Variants in ZNF503 observed in about 807,000 individuals in gnomAD.
ZNF503 encodes the protein zinc finger protein 503.
Under a neutral mutation model 34.4 loss-of-function variants are expected in ZNF503, and 15 were observed. The ratio of observed to expected loss-of-function variants is 0.44; its 90% CI spans 0.29 to 0.67. ZNF503 has a LOEUF of 0.67. Ranked by LOEUF, ZNF503 falls within the 30% of genes least tolerant of loss-of-function variation. The probability of loss-of-function intolerance (pLI) is 0.13; values close to 1 mark genes in which losing one functional copy is unlikely to be tolerated. For missense variants in ZNF503, 1,007 were observed against 926.8 expected, an observed-to-expected ratio of 1.09 and a Z score of -1.12; for synonymous variants, 580 against 456.8, an observed-to-expected ratio of 1.27 and a Z score of -3.44.
At chr10:75,350,838 G>A in the ZNF503 span, among the ~76,000 whole-genome samples, 1 of 152,106 alleles carries the variant, frequency 6.6e-6, no homozygotes, top group Admixed American at 6.5e-5. Flanking sequence ...ACAGGCATGA[G>A]CCACCGCGTC....
chr10:75,315,242 C>A, the ZNF503 span, among the ~76,000 whole-genome samples: 1 of 152,094 alleles, frequency 6.6e-6, no homozygotes, highest in Non-Finnish European at 1.5e-5. Flanking sequence ...CACCTGTAAT[C>A]CCAGCTACTC....
the ZNF503 span, among the ~76,000 whole-genome samples, chr10:75,365,850 G>A: frequency 6.6e-6 from 1 of 152,178 alleles, no homozygotes; most frequent in Admixed American, 6.5e-5. Context: ...AAAGGGCCAA[G>A]TTGTATTAGT....
At chr10:75,337,178 G>A in the ZNF503 span, among the ~76,000 whole-genome samples, 2 of 151,920 alleles carry the variant, frequency 1.3e-5, no homozygotes, top group Non-Finnish European at 2.9e-5. Context: ...ACAACAATTA[G>A]TCGGGCGTGG....
chr10:75,384,709 C>A, the ZNF503 span, among the ~76,000 whole-genome samples: 1 of 152,198 alleles, frequency 6.6e-6, no homozygotes, highest in African/African-American at 2.4e-5. Context: ...AAGCCCCCAC[C>A]TGGTTGGGGT....
At chr10:75,323,669 T>C in the ZNF503 span, among the ~76,000 whole-genome samples, 1 of 152,140 alleles carries the variant, frequency 6.6e-6, no homozygotes, top group African/African-American at 2.4e-5. Flanking sequence ...ATATATTTTC[T>C]TTGGTGAAGT....
chr10:75,296,894 C>T, the ZNF503 span, among the ~76,000 whole-genome samples: 1 of 152,098 alleles, frequency 6.6e-6, no homozygotes, highest in Non-Finnish European at 1.5e-5. Flanking sequence ...AAGTGAGCTT[C>T]CTAAAAAGCC....
the ZNF503 span, among the ~76,000 whole-genome samples, chr10:75,371,428 C>T: frequency 6.6e-6 from 1 of 152,074 alleles, no homozygotes; most frequent in African/African-American, 2.4e-5. Context: ...GACTGGATCC[C>T]TCTCTACCTC....
chr10:75,281,020 T>G, the ZNF503 span, among the ~76,000 whole-genome samples: 2 of 151,990 alleles, frequency 1.3e-5, no homozygotes, highest in African/African-American at 4.8e-5. Flanking sequence ...GAGAGGAGGC[T>G]GGGGACACAC....
chr10:75,301,633 T>C, the ZNF503 span, among the ~76,000 whole-genome samples: 2 of 152,212 alleles, frequency 1.3e-5, no homozygotes, highest in Non-Finnish European at 2.9e-5. Flanking sequence ...AGTTAAAAAA[T>C]AACAATTTAA....
At chr10:75,381,024 T>C in the ZNF503 span, among the ~76,000 whole-genome samples, 1 of 152,188 alleles carries the variant, frequency 6.6e-6, no homozygotes, top group South Asian at 2.1e-4. Context: ...TGGAAAGAAA[T>C]CCAGGCCCTC....
the ZNF503 span, among the ~76,000 whole-genome samples, chr10:75,295,998 CAATACGTACAGG>C: frequency 6.6e-6 from 1 of 152,138 alleles, no homozygotes; most frequent in Non-Finnish European, 1.5e-5. The surrounding 1 kb of genome is among the most constrained non-coding windows in gnomAD (Gnocchi z 4.0). Context: ...TCACCCCGAG[CAATACGTACAGG>C]AACTCAATAG....
chr10:75,312,866 A>C, the ZNF503 span, among the ~76,000 whole-genome samples: 9 of 152,322 alleles, frequency 5.9e-5, no homozygotes, highest in East Asian at 9.6e-4. Flanking sequence ...CCCATGTGTC[A>C]AGGGTATGGC....
At chr10:75,324,323 T>A in the ZNF503 span, among the ~76,000 whole-genome samples, 1 of 108,236 alleles carries the variant, frequency 9.2e-6, no homozygotes, top group Non-Finnish European at 2.2e-5. Flanking sequence ...TTTGTTTGTT[T>A]TTCTGTTTTT....
chr10:75,353,596 T>C, the ZNF503 span, among the ~76,000 whole-genome samples: 1 of 152,106 alleles, frequency 6.6e-6, no homozygotes, highest in Non-Finnish European at 1.5e-5. Context: ...CAGGGCTCGG[T>C]AGAACCACCC....
the ZNF503 span, among the ~76,000 whole-genome samples, chr10:75,362,009 C>G: frequency 6.6e-6 from 1 of 152,204 alleles, no homozygotes; most frequent in Admixed American, 6.5e-5. Flanking sequence ...GGCATTGGGT[C>G]AACCAAAGCC....
At chr10:75,285,429 G>A in the ZNF503 span, among the ~76,000 whole-genome samples, 2 of 152,230 alleles carry the variant, frequency 1.3e-5, no homozygotes, top group African/African-American at 4.8e-5. Flanking sequence ...CTCCTAGACA[G>A]ATTTTTCTCT....
chr10:75,388,160 G>C, the ZNF503 span, among the ~76,000 whole-genome samples: 1 of 152,212 alleles, frequency 6.6e-6, no homozygotes, highest in Non-Finnish European at 1.5e-5. Flanking sequence ...GCAGGGGGCG[G>C]CCACTGATTC....
the ZNF503 span, among the ~76,000 whole-genome samples, chr10:75,351,140 C>G: frequency 1.6e-5 from 2 of 123,654 alleles, no homozygotes; most frequent in South Asian, 5.8e-4. Flanking sequence ...CATCAGAAGT[C>G]AGCCTAATGT....
the ZNF503 span, among the ~76,000 whole-genome samples, chr10:75,365,463 AG>A: frequency 4.5e-4 from 69 of 152,352 alleles, no homozygotes; most frequent in African/African-American, 1.6e-3. Context: ...AGTTTTTCAA[AG>A]AAAGAAAAAA....
Sources: allele counts gnomAD v4.1 joint callset (sites outside exome capture counted in the v4.1 genomes callset), GRCh38; gene constraint gnomAD v4.1.1; non-coding constraint Gnocchi (gnomAD v3.1); transcripts MANE v1.5; gene names NCBI Gene and HGNC (gene_info 2026-07-23, HGNC 2026-07-21).